Variants in CMTM4 observed in about 807,000 individuals in gnomAD.
CMTM4 encodes the protein CKLF like MARVEL transmembrane domain containing 4, also known as CKLF-like MARVEL transmembrane domain-containing protein 4.
CMTM4 carries 8 observed loss-of-function variants against 19.0 expected under a neutral mutation model. The ratio of observed to expected loss-of-function variants is 0.42; its 90% CI spans 0.25 to 0.76. The LOEUF (loss-of-function observed/expected upper bound fraction) is 0.76. Among genes scored for constraint, CMTM4 ranks in the 30% least tolerant of loss-of-function variants. The pLI is 0.27. For missense variants in CMTM4, 228 were observed against 290.2 expected, an observed-to-expected ratio of 0.79 and a Z score of 1.56; for synonymous variants, 106 against 121.1, an observed-to-expected ratio of 0.88 and a Z score of 0.82.
At chr16:66,658,140 G>A (rs906229055) in intron 1 of CMTM4, among the ~76,000 whole-genome samples, 1 of 151,930 alleles carries the variant, frequency 6.6e-6, no homozygotes, top group Non-Finnish European at 1.5e-5. Flanking sequence ...TGAGGTGGGA[G>A]GATCACTTGA....
chr16:66,616,981 T>C lies in CMTM4; in HGVS notation c.*5077A>G, dbSNP rs1222268191. The C allele has an allele frequency of 4.2e-6, 1 of 237,538 alleles. No individual in the cohort carries two copies. The highest frequency in any genetic ancestry group is 2.3e-5 in the African/African-American group (1 of 44,174). The allele number at this position is 237,538 out of a possible 1,614,324, so 14.7% of individuals were successfully genotyped here. A position where few individuals can be genotyped will look rare whatever the true frequency, so the allele number is the denominator to read the frequency against. Reference sequence around the variant, plus strand: ...TCACACCATCTCTCTTTTCAGGCAGTTATGAAAAGAAACTCTGACCTGGCC... The same window carrying C: ...TCACACCATCTCTCTTTTCAGGCAGCTATGAAAAGAAACTCTGACCTGGCC... On this transcript the variant is annotated 3_prime_UTR_variant, in exon 4 of 4. Transcript: ENST00000394106.
At position 66,696,565 on chromosome 16, in the gene CMTM4, C is replaced by G; in HGVS notation, c.-40G>C. On this transcript the variant is annotated 5_prime_UTR_variant, in exon 1 of 4. Coordinates refer to ENST00000394106, the MANE Select transcript of CMTM4 (RefSeq NM_181521.3). The surrounding 1 kb of genome is among the most constrained non-coding windows in gnomAD (Gnocchi z 4.3). ...CGGGCCGCCTCGCGCGGCTGGCTCC[C>G]GGCGCCAGGAGCGGGCGGACTCAGC... is the stretch of plus-strand genomic sequence containing the variant. 8.8e-7 allele frequency: 1 copy of G among 1,140,778 alleles called. No homozygotes were observed. The allele number at this position is 1,140,778 out of a possible 1,614,324, so 70.7% of individuals were successfully genotyped here.
intron 1 of CMTM4, among the ~76,000 whole-genome samples, chr16:66,678,477 G>A (rs2016847611): frequency 9.2e-5 from 14 of 152,166 alleles, no homozygotes; most frequent in Admixed American, 9.2e-4. Context: ...GGAAAACTAG[G>A]CCTTGTTAGA....
At chr16:66,661,208 T>C (rs2016493628) in intron 1 of CMTM4, among the ~76,000 whole-genome samples, 1 of 152,238 alleles carries the variant, frequency 6.6e-6, no homozygotes. Flanking sequence ...AGACTTCAGA[T>C]TGCTAATATG....
Position 66,618,437 on chromosome 16 carries a change from T to G in CMTM4, c.*3621A>C, listed in dbSNP as rs2015566757. 1 of 985,328 alleles carries G rather than the reference T, an allele frequency of 1.0e-6. No individual in the cohort carries two copies. The highest frequency in any genetic ancestry group is 1.7e-5 in the African/African-American group (1 of 57,244). 61.0% of individuals were successfully genotyped at this position (985,328 alleles called of 1,614,324 possible). A position where few individuals can be genotyped will look rare whatever the true frequency, so the allele number is the denominator to read the frequency against. On this transcript the variant is annotated 3_prime_UTR_variant, in exon 4 of 4. Transcript: ENST00000394106. ...TTGTTCAGGTGTCTCCATGCTCTAT[T>G]CATCTCCTAGGTGCTAAGACCAACC...
At chr16:66,649,491 T>TATCTATCTATCC (rs1384328550) in intron 1 of CMTM4, among the ~76,000 whole-genome samples, 10 of 151,470 alleles carry the variant, frequency 6.6e-5, no homozygotes, top group African/African-American at 2.4e-4. Context: ...TCTATCTATC[T>TATCTATCTATCC]ATCCCTGATT....
chr16:66,648,896 C>T (rs2016256367), intron 1 of CMTM4, among the ~76,000 whole-genome samples: 1 of 152,116 alleles, frequency 6.6e-6, no homozygotes. Flanking sequence ...CGCTTGAACC[C>T]AAAAGGCAGA....
At chr16:66,679,548 G>C (rs113280073) in intron 1 of CMTM4, among the ~76,000 whole-genome samples, 56 of 152,254 alleles carry the variant, frequency 3.7e-4, no homozygotes, top group African/African-American at 1.2e-3. Flanking sequence ...ATGAGGCCGG[G>C]CATGGTGGCT....
intron 2 of CMTM4, among the ~76,000 whole-genome samples, chr16:66,631,286 G>A (rs2015862849): frequency 6.7e-6 from 1 of 150,058 alleles, no homozygotes; most frequent in Admixed American, 6.6e-5. Context: ...CGCCCGGCCA[G>A]CCGCCCGGTC....
chr16:66,680,672 G>A (rs938396992), intron 1 of CMTM4, among the ~76,000 whole-genome samples: 3 of 149,976 alleles, frequency 2.0e-5, no homozygotes, highest in Non-Finnish European at 3.0e-5. Flanking sequence ...TGCTCGGAAG[G>A]CTGAGGCAGG....
rs2015503105 is a variant in CMTM4 at position 66,615,172 on chromosome 16, G to A, written c.*6886C>T. 6.6e-6 allele frequency: 1 copy of A among 152,256 alleles called. No homozygotes were observed. The highest frequency in any genetic ancestry group is 1.5e-5 in the Non-Finnish European group (1 of 68,048). The allele number at this position is 152,256 out of a possible 1,614,324, so 9.4% of individuals were successfully genotyped here. A position where few individuals can be genotyped will look rare whatever the true frequency, so the allele number is the denominator to read the frequency against. On this transcript the variant is annotated 3_prime_UTR_variant, in exon 4 of 4. Coordinates refer to ENST00000394106, the MANE Select transcript of CMTM4 (RefSeq NM_181521.3). This position sits in a 1 kb window ranked among gnomAD's most constrained non-coding sequence, Gnocchi z 4.9. ...TGCCGAAATGAAAGAGACTTGATGAGTAAAATGTGATAGTTGTTAACATTG... is the reference window on the plus strand; with the variant it reads ...TGCCGAAATGAAAGAGACTTGATGAATAAAATGTGATAGTTGTTAACATTG...
At chr16:66,638,346 G>A (rs2016035791) in intron 1 of CMTM4, among the ~76,000 whole-genome samples, 1 of 152,306 alleles carries the variant, frequency 6.6e-6, no homozygotes, top group Non-Finnish European at 1.5e-5. Context: ...GTGTCTTCAG[G>A]CGAATGGAAG....
intron 1 of CMTM4, among the ~76,000 whole-genome samples, chr16:66,666,086 A>AGAAAG (rs201079132): frequency 2.0e-5 from 3 of 150,784 alleles, no homozygotes; most frequent in East Asian, 3.9e-4. Context: ...AAAACAGAAA[A>AGAAAG]GAAAGGAAAG....
In CMTM4 at chr16:66,696,308, C is replaced by A; in HGVS notation, c.186+32G>T. The A allele has an allele frequency of 7.7e-7, 1 of 1,296,278 alleles. No homozygotes were observed. Among genetic ancestry groups the A allele is most frequent in the Non-Finnish European group, 9.8e-7 (1 of 1,024,226 alleles). 80.3% of individuals were successfully genotyped at this position (1,296,278 alleles called of 1,614,324 possible). A position where few individuals can be genotyped will look rare whatever the true frequency, so the allele number is the denominator to read the frequency against. On this transcript the variant is annotated intron_variant, in intron 1 of 3. Transcript: ENST00000394106. The surrounding 1 kb of genome is among the most constrained non-coding windows in gnomAD (Gnocchi z 4.3). ...GAGGGAGGCGTGCGGCTAGGCCGCCCTCGGGCACCTGGGGCCCCGCCCGGC... is the reference window on the plus strand; with the variant it reads ...GAGGGAGGCGTGCGGCTAGGCCGCCATCGGGCACCTGGGGCCCCGCCCGGC...
chr16:66,633,132 A>ATATATATATAAAT (rs2015915089), intron 2 of CMTM4, among the ~76,000 whole-genome samples: 1 of 129,846 alleles, frequency 7.7e-6, no homozygotes, highest in Non-Finnish European at 1.6e-5. Context: ...TATATATATA[A>ATATATATATAAAT]ATATATATAT....
At chr16:66,681,911 A>G (rs2016922759) in intron 1 of CMTM4, among the ~76,000 whole-genome samples, 1 of 152,122 alleles carries the variant, frequency 6.6e-6, no homozygotes. Context: ...TGCCACAGGC[A>G]CACCCTCCTT....
chr16:66,616,773 C>T lies in CMTM4; in HGVS notation c.*5285G>A, dbSNP rs577276720. ...CCCTGGTGCAAGGGCACCAGCAGGT[C>T]TCCCTCCTCTCCCCTCCTCACCATC... On this transcript the variant is annotated 3_prime_UTR_variant, in exon 4 of 4. Coordinates refer to ENST00000394106, the MANE Select transcript of CMTM4 (RefSeq NM_181521.3). The T allele has an allele frequency of 6.5e-6, 1 of 152,716 alleles. No individual in the cohort carries two copies. Among genetic ancestry groups the T allele is most frequent in the South Asian group, 2.1e-4 (1 of 4,840 alleles). 9.5% of individuals were successfully genotyped at this position (152,716 alleles called of 1,614,324 possible).
chr16:66,613,067 G>C (rs552097729), downstream of CMTM4: 1 of 702,986 alleles, frequency 1.4e-6, no homozygotes, highest in Admixed American at 2.0e-5. Context: ...GCCAGGCCCC[G>C]GTGGGTTTGT....
downstream of CMTM4, chr16:66,610,132 C>T: frequency 3.5e-6 from 4 of 1,129,882 alleles, no homozygotes; most frequent in South Asian, 4.3e-5. This position sits in a 1 kb window ranked among gnomAD's most constrained non-coding sequence, Gnocchi z 4.6. Context: ...GTTTTCACAG[C>T]CCATTCTCAC....
Sources: gnomAD v4.1 joint callset for allele counts (sites outside exome capture counted in the v4.1 genomes callset) on GRCh38, gnomAD v4.1.1 for gene constraint, Gnocchi (gnomAD v3.1) non-coding constraint, MANE v1.5 for transcripts, NCBI Gene and HGNC (gene_info 2026-07-23, HGNC 2026-07-21) for gene names.